Variants in GRIK1 observed in about 807,000 individuals in gnomAD.
The protein encoded by GRIK1 is glutamate receptor ionotropic, kainate 1.
GRIK1 carries 69 observed loss-of-function variants against 105.7 expected under a neutral mutation model. The ratio of observed to expected loss-of-function variants is 0.65; its 90% CI spans 0.54 to 0.80. The LOEUF is 0.80. Ranked by LOEUF, GRIK1 falls within the 30% of genes least tolerant of loss-of-function variation. The pLI is 0.00. For synonymous variants in GRIK1, 438 were observed against 431.3 expected (o/e 1.02, Z -0.19); for missense variants, 1,109 against 1,167.3 (o/e 0.95, Z 0.73).
chr21:29,750,348 T>G (rs1275492792), intron 1 of GRIK1, among the ~76,000 whole-genome samples: 1 of 150,638 alleles, frequency 6.6e-6, no homozygotes, highest in Non-Finnish European at 1.5e-5. Context: ...CAACTCTGGA[T>G]GCATTCTAAA....
intron 1 of GRIK1, among the ~76,000 whole-genome samples, chr21:29,826,209 A>G (rs2067452143): frequency 6.6e-6 from 1 of 152,110 alleles, no homozygotes; most frequent in South Asian, 2.1e-4. Flanking sequence ...TTTCCAAGCC[A>G]TGGCCTCTAC....
chr21:29,576,497 C>A (rs2090897302), intron 14 of GRIK1, among the ~76,000 whole-genome samples: 1 of 152,128 alleles, frequency 6.6e-6, no homozygotes, highest in Admixed American at 6.5e-5. Context: ...ATTCCAATAT[C>A]AACACGTTTT....
intron 1 of GRIK1, among the ~76,000 whole-genome samples, chr21:29,865,423 C>T (rs1297327900): frequency 6.6e-6 from 1 of 152,128 alleles, no homozygotes; most frequent in Non-Finnish European, 1.5e-5. Flanking sequence ...ACTTTTATAC[C>T]ATTTACTAGA....
intron 1 of GRIK1, among the ~76,000 whole-genome samples, chr21:29,894,522 G>A (rs1007703882): frequency 6.6e-6 from 1 of 152,138 alleles, no homozygotes; most frequent in African/African-American, 2.4e-5. Flanking sequence ...CAGCTGATTA[G>A]ATGGTGCCCA....
chr21:29,864,946 C>G (rs1054473540), intron 1 of GRIK1, among the ~76,000 whole-genome samples: 2 of 152,106 alleles, frequency 1.3e-5, no homozygotes, highest in African/African-American at 4.8e-5. Flanking sequence ...GGGACAGAGG[C>G]CAAGTAATGC....
At chr21:29,725,834 C>A (rs1371077166) in intron 1 of GRIK1, among the ~76,000 whole-genome samples, 1 of 152,102 alleles carries the variant, frequency 6.6e-6, no homozygotes, top group Non-Finnish European at 1.5e-5. Flanking sequence ...TAGAGCATAC[C>A]TTTTCTCTCC....
chr21:29,628,104 C>A (rs549916075), intron 7 of GRIK1, among the ~76,000 whole-genome samples: 36 of 152,280 alleles, frequency 2.4e-4, no homozygotes, highest in Non-Finnish European at 4.4e-4. Context: ...TGTACAATGA[C>A]AAATATCTGA....
In GRIK1 at chr21:29,620,470, C is replaced by A. The variant is rs577232585; in HGVS notation, c.1099-21533G>T. On this transcript the variant is annotated intron_variant, in intron 7 of 17. Transcript: ENST00000327783. ...ATGGCTTGTTTCCACCATGGCCTTTCTTTAAACTTCATTGAAATAGAGGAC... is the reference window on the plus strand; with the variant it reads ...ATGGCTTGTTTCCACCATGGCCTTTATTTAAACTTCATTGAAATAGAGGAC... Among the ~76,000 whole-genome samples the A allele has an allele frequency of 2.6e-5, 4 of 152,226 alleles. 1 individual carries two copies. Among genetic ancestry groups the A allele is most frequent in the Admixed American group, 2.6e-4 (4 of 15,280 alleles).
chr21:29,822,905 C>G (rs1464361267), intron 1 of GRIK1, among the ~76,000 whole-genome samples: 1 of 151,988 alleles, frequency 6.6e-6, no homozygotes, highest in Non-Finnish European at 1.5e-5. Flanking sequence ...GACCAGGTAT[C>G]AAGTACATCA....
chr21:29,560,694 C>T (rs538916090), intron 15 of GRIK1, among the ~76,000 whole-genome samples: 216 of 150,820 alleles, frequency 1.4e-3, no homozygotes, highest in African/African-American at 5.0e-3. Flanking sequence ...CTCCACCTCC[C>T]GGGTTCAAAT....
chr21:29,619,366 G>T (rs2061934004), intron 7 of GRIK1, among the ~76,000 whole-genome samples: 1 of 151,894 alleles, frequency 6.6e-6, no homozygotes, highest in Admixed American at 6.6e-5. Context: ...GAACCCAAGA[G>T]GCAGGGGCTG....
intron 1 of GRIK1, among the ~76,000 whole-genome samples, chr21:29,728,751 A>C (rs2064533382): frequency 6.6e-6 from 1 of 152,196 alleles, no homozygotes; most frequent in Admixed American, 6.5e-5. Flanking sequence ...GCCTTCATAG[A>C]GCTGTAGTCT....
intron 7 of GRIK1, among the ~76,000 whole-genome samples, chr21:29,604,259 T>C (rs1297537242): frequency 2.6e-5 from 4 of 152,194 alleles, no homozygotes; most frequent in Non-Finnish European, 4.4e-5. Context: ...TTTCATGTTT[T>C]AACAATGCTT....
intron 1 of GRIK1, among the ~76,000 whole-genome samples, chr21:29,737,264 A>C (rs746072738): frequency 2.0e-5 from 3 of 152,184 alleles, no homozygotes; most frequent in Non-Finnish European, 4.4e-5. Context: ...TGCTTGAAGC[A>C]CAAAGAAACT....
At chr21:29,645,409 G>A (rs2062597566) in intron 6 of GRIK1, among the ~76,000 whole-genome samples, 2 of 152,266 alleles carry the variant, frequency 1.3e-5, no homozygotes, top group East Asian at 3.9e-4. Context: ...CAATTTGATA[G>A]AGAAGTATAA....
At chr21:29,845,249 T>C (rs1208752908) in intron 1 of GRIK1, among the ~76,000 whole-genome samples, 6 of 152,162 alleles carry the variant, frequency 3.9e-5, no homozygotes, top group Non-Finnish European at 8.8e-5. Context: ...TTTTCAGGAA[T>C]ACTGATTAAG....
At chr21:29,781,268 T>C (rs1451150585) in intron 1 of GRIK1, among the ~76,000 whole-genome samples, 2 of 152,116 alleles carry the variant, frequency 1.3e-5, no homozygotes, top group East Asian at 3.9e-4. Flanking sequence ...TTTCCTTTCT[T>C]TCTCCTTTCC....
At chr21:29,811,018 C>A (rs1337968852) in intron 1 of GRIK1, among the ~76,000 whole-genome samples, 1 of 152,104 alleles carries the variant, frequency 6.6e-6, no homozygotes, top group Non-Finnish European at 1.5e-5. Flanking sequence ...GCAATTTCAA[C>A]TGTTTATTTT....
At chr21:29,804,689 G>A (rs9976255) in intron 1 of GRIK1, among the ~76,000 whole-genome samples, 3,361 of 152,202 alleles carry the variant, frequency 0.022, 54 homozygotes, top group Non-Finnish European at 0.034. Flanking sequence ...CTTTTAAAAA[G>A]TTATAAAAAT....
Sources: gnomAD v4.1 joint callset for allele counts (sites outside exome capture counted in the v4.1 genomes callset) on GRCh38, gnomAD v4.1.1 for gene constraint, MANE v1.5 for transcripts, NCBI Gene and HGNC (gene_info 2026-07-23, HGNC 2026-07-21) for gene names.